The following COL5A1 variants were observed in gnomAD, a reference collection of about 807,000 sequenced individuals.
The protein encoded by COL5A1 is collagen type V alpha 1 chain.
In COL5A1, 16 loss-of-function variants were observed where a neutral mutation model predicts 263.7. The observed-to-expected ratio is 0.06, with a 90% confidence interval of 0.04 to 0.09. The LOEUF (loss-of-function observed/expected upper bound fraction) is 0.09, where lower values mean the gene tolerates loss of function less well. Among genes scored for constraint, COL5A1 ranks in the 10% least tolerant of loss-of-function variants. COL5A1 has a pLI of 1.00. For synonymous variants in COL5A1, 1,012 were observed against 1,004.5 expected (o/e 1.01, Z -0.14); for missense variants, 2,036 against 2,540.5 (o/e 0.80, Z 4.27).
chr9:134,670,664 CTT>C (rs1832512562), intron 1 of COL5A1, among the ~76,000 whole-genome samples: 1 of 152,218 alleles, frequency 6.6e-6, no homozygotes, highest in Non-Finnish European at 1.5e-5. Context: ...CTGAATTACT[CTT>C]AAGAGTGGAA....
At chr9:134,667,876 T>C (rs1296156271) in intron 1 of COL5A1, among the ~76,000 whole-genome samples, 3 of 152,210 alleles carry the variant, frequency 2.0e-5, no homozygotes, top group Non-Finnish European at 4.4e-5. Context: ...GTGTCTTGTT[T>C]CTATGCAGTC....
intron 1 of COL5A1, among the ~76,000 whole-genome samples, chr9:134,650,843 G>A (rs775421630): frequency 5.3e-4 from 80 of 152,362 alleles, no homozygotes; most frequent in Non-Finnish European, 9.8e-4. Context: ...CCTCAAACCC[G>A]CCCTTCGTGC....
intron 4 of COL5A1, among the ~76,000 whole-genome samples, chr9:134,724,157 C>T (rs1173633796): frequency 1.3e-5 from 2 of 152,224 alleles, no homozygotes; most frequent in Non-Finnish European, 2.9e-5. Flanking sequence ...TGCTGACCCC[C>T]AGTTCCTCCA....
chr9:134,829,708 G>A (rs146280294), intron 63 of COL5A1, among the ~76,000 whole-genome samples: 51 of 151,722 alleles, frequency 3.4e-4, no homozygotes, highest in African/African-American at 1.2e-3. Flanking sequence ...GGCTCCTCAC[G>A]TGGCCTCTAG....
chr9:134,752,747 A>T (rs1020964188), intron 14 of COL5A1, 102 bp downstream of exon 14: 1 of 924,348 alleles, frequency 1.1e-6, no homozygotes, highest in Admixed American at 1.9e-5. Context: ...TCCTGTGGAC[A>T]CAGAGCGGCC....
intron 4 of COL5A1, among the ~76,000 whole-genome samples, chr9:134,703,726 C>T (rs1833749860): frequency 6.6e-6 from 1 of 150,484 alleles, no homozygotes; most frequent in South Asian, 2.1e-4. Flanking sequence ...CAAGCTCTGC[C>T]TCCCGGGTTC....
intron 29 of COL5A1, among the ~76,000 whole-genome samples, chr9:134,783,590 A>G (rs1238872059): frequency 1.3e-5 from 2 of 152,234 alleles, no homozygotes; most frequent in East Asian, 3.9e-4. Context: ...ACCGGGACGG[A>G]CATCTGTCGG....
At chr9:134,710,031 C>T (rs1833969725) in intron 4 of COL5A1, among the ~76,000 whole-genome samples, 1 of 152,186 alleles carries the variant, frequency 6.6e-6, no homozygotes, top group Non-Finnish European at 1.5e-5. Flanking sequence ...ACGTGATGTC[C>T]TTCTTTAGCA....
intron 43 of COL5A1, 112 bp from the exon 44 acceptor site, chr9:134,810,143 C>A: frequency 8.5e-7 from 1 of 1,171,422 alleles, no homozygotes; most frequent in Non-Finnish European, 1.3e-6. Flanking sequence ...AGTTTTAGGG[C>A]CACCTGGAAA....
intron 27 of COL5A1, among the ~76,000 whole-genome samples, chr9:134,779,600 C>T (rs986483352): frequency 5.9e-5 from 9 of 152,128 alleles, no homozygotes; most frequent in Admixed American, 2.0e-4. Context: ...ACAGTGGTAA[C>T]GAGGTAAGGG....
At position 134,757,205 on chromosome 9, in the gene COL5A1, G is replaced by A. The variant is rs1009962567; in HGVS notation, c.1881+387G>A. On this transcript the variant is annotated intron_variant, in intron 17 of 65. Transcript: ENST00000371817. The surrounding 1 kb of genome is among the most constrained non-coding windows in gnomAD (Gnocchi z 6.2). ...GGTGTTGTGGAGGTGAGTAGATGTT[G>A]CCCGTGGCTAAAGGCAGGGCTGTGT... Among the ~76,000 whole-genome samples the A allele has an allele frequency of 8.9e-4, 136 of 152,124 alleles. 11 individuals carry two copies. The highest frequency in any genetic ancestry group is 7.3e-5 in the Non-Finnish European group (5 of 68,030).
chr9:134,783,086 A>G (rs187686551), intron 29 of COL5A1, among the ~76,000 whole-genome samples: 22 of 152,366 alleles, frequency 1.4e-4, no homozygotes, highest in Non-Finnish European at 1.6e-4. Flanking sequence ...AAGAGAAAAG[A>G]GAGCAGCTAC....
intron 65 of COL5A1, among the ~76,000 whole-genome samples, chr9:134,837,543 C>T (rs754309824): frequency 9.2e-5 from 14 of 151,952 alleles, no homozygotes; most frequent in Non-Finnish European, 1.9e-4. Context: ...CCCACTTCTG[C>T]GAGGTCCCAG....
intron 39 of COL5A1, 133 bp from the exon 40 acceptor site, chr9:134,804,842 C>T (rs1359588490): frequency 1.4e-5 from 11 of 772,270 alleles, no homozygotes; most frequent in East Asian, 5.3e-5. Flanking sequence ...CCCTTGGCCT[C>T]GCTCTGGGAC....
At position 134,716,165 on chromosome 9, in the gene COL5A1, G is replaced by A. The variant is rs1834254633; in HGVS notation, c.655-11101G>A. ...TGATTGCTCTGGGGAGTGTTCTGGTGCAATCCCATTTAGTCCTCTGCTCTA... is the reference window on the plus strand; with the variant it reads ...TGATTGCTCTGGGGAGTGTTCTGGTACAATCCCATTTAGTCCTCTGCTCTA... On this transcript the variant is annotated intron_variant, in intron 4 of 65. Coordinates refer to ENST00000371817, the MANE Select transcript of COL5A1 (RefSeq NM_000093.5). This position sits in a 1 kb window ranked among gnomAD's most constrained non-coding sequence, Gnocchi z 4.5. Among the ~76,000 whole-genome samples, 1 of 152,112 alleles carries A rather than the reference G, an allele frequency of 6.6e-6. No individual in the cohort carries two copies. The highest frequency in any genetic ancestry group is 2.4e-5 in the African/African-American group (1 of 41,406).
At chr9:134,766,590 C>T in intron 22 of COL5A1, 92 bp downstream of exon 22, 1 of 1,325,924 alleles carries the variant, frequency 7.5e-7, no homozygotes, top group Non-Finnish European at 1.1e-6. Flanking sequence ...CTGTCCACAT[C>T]AGCTGGGAAC....
Position 134,841,640 on chromosome 9 carries a change from G to A in COL5A1, c.5371-517G>A, listed in dbSNP as rs184899048. ...CAGCCCACCGAGTGCCTAAGGCAGT[G>A]TGTGGCAGGTGGTCGTAGGGGGGTC... On this transcript the variant is annotated intron_variant, in intron 65 of 65. Transcript: ENST00000371817. The surrounding 1 kb of genome is among the most constrained non-coding windows in gnomAD (Gnocchi z 4.8). 1.6e-3 allele frequency among the ~76,000 whole-genome samples: 245 copies of A among 152,292 alleles called. No individual in the cohort carries two copies. Among genetic ancestry groups the A allele is most frequent in the African/African-American group, 4.9e-3 (205 of 41,556 alleles).
intron 1 of COL5A1, among the ~76,000 whole-genome samples, chr9:134,643,390 A>T (rs1015830652): frequency 6.6e-6 from 1 of 152,210 alleles, no homozygotes; most frequent in African/African-American, 2.4e-5. Context: ...CGTCTGGACC[A>T]GCCCGCCGCC....
At chr9:134,813,910 A>G (rs1411129530) in intron 48 of COL5A1, 73 bp from the exon 49 acceptor site, 14 of 1,519,542 alleles carry the variant, frequency 9.2e-6, no homozygotes, top group South Asian at 1.2e-5. Context: ...GGATTTGGCA[A>G]ATGCTTGAAA....
Sources: gnomAD v4.1 joint callset for allele counts (sites outside exome capture counted in the v4.1 genomes callset) on GRCh38, gnomAD v4.1.1 for gene constraint, Gnocchi (gnomAD v3.1) non-coding constraint, MANE v1.5 for transcripts, NCBI Gene and HGNC (gene_info 2026-07-23, HGNC 2026-07-21) for gene names.